MARCHF1: variants seen among roughly 807,000 people sequenced by gnomAD.
MARCHF1 encodes the protein membrane associated ring-CH-type finger 1.
Under a neutral mutation model 54.2 loss-of-function variants are expected in MARCHF1, and 40 were observed. The observed-to-expected ratio is 0.74, with a 90% confidence interval of 0.57 to 0.96. MARCHF1 has a LOEUF of 0.96. Among genes scored for constraint, MARCHF1 ranks in the 40% least tolerant of loss-of-function variants. The pLI is 0.00. For missense variants in MARCHF1, 586 were observed against 656.5 expected, an observed-to-expected ratio of 0.89 and a Z score of 1.17; for synonymous variants, 236 against 236.3, an observed-to-expected ratio of 1.00 and a Z score of 0.01.
chr4:164,255,752 T>C (rs544015566), intron 1 of MARCHF1, among the ~76,000 whole-genome samples: 1 of 152,090 alleles, frequency 6.6e-6, no homozygotes, highest in East Asian at 1.9e-4. Flanking sequence ...TAGCCTAAAA[T>C]ATATAAAGAA....
At chr4:164,279,900 T>G (rs149163205) in intron 1 of MARCHF1, among the ~76,000 whole-genome samples, 1,538 of 151,826 alleles carry the variant, frequency 0.01, 45 homozygotes, top group East Asian at 0.051. Flanking sequence ...TATTATCAAA[T>G]TAAGACCAGC....
intron 4 of MARCHF1, among the ~76,000 whole-genome samples, chr4:163,732,599 A>G (rs1407425983): frequency 2.0e-5 from 3 of 152,182 alleles, no homozygotes; most frequent in Non-Finnish European, 2.9e-5. Flanking sequence ...AATAAAGAGA[A>G]AATGTTTAAA....
intron 1 of MARCHF1, among the ~76,000 whole-genome samples, chr4:164,217,699 T>A (rs541440439): frequency 6.6e-6 from 1 of 152,264 alleles, no homozygotes; most frequent in Non-Finnish European, 1.5e-5. Flanking sequence ...TCTGTTAAAA[T>A]AGAACTCAAG....
In MARCHF1 at chr4:164,106,774, A is replaced by T. The variant is rs572506039; in HGVS notation, c.-248+4814T>A. Among the ~76,000 whole-genome samples the T allele has an allele frequency of 4.9e-4, 73 of 148,650 alleles. No homozygotes were observed. In the South Asian group the frequency reaches 5.5e-3, roughly 11 times the overall value. On this transcript the variant is annotated intron_variant, in intron 2 of 9. Transcript: ENST00000514618. ...TAAAACTTGAAGTATAATAAAAATA[A>T]AAAATAAAAAAAAAAAAGGAATAAG...
intron 3 of MARCHF1, among the ~76,000 whole-genome samples, chr4:163,985,010 C>T (rs937252575): frequency 6.6e-6 from 1 of 152,152 alleles, no homozygotes; most frequent in Admixed American, 6.6e-5. Flanking sequence ...TTTCCTTTAT[C>T]AATTCCATTT....
chr4:164,068,791 T>A (rs1754788234), intron 2 of MARCHF1, among the ~76,000 whole-genome samples: 1 of 152,200 alleles, frequency 6.6e-6, no homozygotes, highest in Non-Finnish European at 1.5e-5. Context: ...TGGTGAGGGA[T>A]CCACTGGGTG....
At chr4:164,033,924 G>T (rs542332302) in intron 2 of MARCHF1, among the ~76,000 whole-genome samples, 53 of 152,170 alleles carry the variant, frequency 3.5e-4, no homozygotes, top group African/African-American at 1.2e-3. Flanking sequence ...TCATTACTGG[G>T]TATATACCCA....
chr4:163,856,449 T>C (rs1418293605), intron 3 of MARCHF1, among the ~76,000 whole-genome samples: 1 of 152,198 alleles, frequency 6.6e-6, no homozygotes, highest in African/African-American at 2.4e-5. Context: ...TTTGAACTTA[T>C]TGGAATGTTT....
intron 2 of MARCHF1, among the ~76,000 whole-genome samples, chr4:164,072,964 G>C (rs1754901252): frequency 6.6e-6 from 1 of 152,180 alleles, no homozygotes; most frequent in Admixed American, 6.5e-5. Flanking sequence ...AATTTCAGAG[G>C]AGAGAGCCTC....
chr4:163,913,332 G>T (rs1751236778), intron 3 of MARCHF1, among the ~76,000 whole-genome samples: 2 of 152,114 alleles, frequency 1.3e-5, no homozygotes, highest in Admixed American at 1.3e-4. Flanking sequence ...TCCAAAGAGG[G>T]ATCTGCTTCT....
intron 3 of MARCHF1, among the ~76,000 whole-genome samples, chr4:163,855,085 A>G (rs1749736667): frequency 6.6e-6 from 1 of 152,194 alleles, no homozygotes; most frequent in South Asian, 2.1e-4. Flanking sequence ...CAGAGATTCA[A>G]AACTGCACAT....
intron 1 of MARCHF1, among the ~76,000 whole-genome samples, chr4:164,366,783 T>C (rs1379333533): frequency 1.3e-5 from 2 of 151,908 alleles, no homozygotes; most frequent in Non-Finnish European, 2.9e-5. Context: ...ATTATAAAAG[T>C]TTTATACATG....
At chr4:163,538,543 A>G (rs1240320173) in intron 9 of MARCHF1, among the ~76,000 whole-genome samples, 1 of 152,076 alleles carries the variant, frequency 6.6e-6, no homozygotes. Context: ...CAAATCCCCA[A>G]ATGATTCAGA....
chr4:164,168,058 T>G (rs1333211605), intron 1 of MARCHF1, among the ~76,000 whole-genome samples: 2 of 151,892 alleles, frequency 1.3e-5, no homozygotes, highest in Non-Finnish European at 2.9e-5. Context: ...ATAAAGTACT[T>G]TTACAACTCG....
At chr4:164,257,325 C>G (rs1306772498) in intron 1 of MARCHF1, among the ~76,000 whole-genome samples, 2 of 151,598 alleles carry the variant, frequency 1.3e-5, no homozygotes, top group African/African-American at 4.8e-5. Flanking sequence ...GATAATTTTT[C>G]TTGTTTCTCT....
intron 4 of MARCHF1, among the ~76,000 whole-genome samples, chr4:163,758,026 A>T (rs2110811790): frequency 6.6e-6 from 1 of 152,340 alleles, no homozygotes; most frequent in South Asian, 2.1e-4. Flanking sequence ...TTAGAGATGG[A>T]AATAAAATAC....
intron 5 of MARCHF1, among the ~76,000 whole-genome samples, chr4:163,617,731 A>C (rs1407606657): frequency 6.6e-6 from 1 of 152,140 alleles, no homozygotes; most frequent in South Asian, 2.1e-4. Context: ...GCACTGAGTA[A>C]AGGTCACCTG....
At chr4:163,878,904 AG>A (rs1205485419) in intron 3 of MARCHF1, among the ~76,000 whole-genome samples, 7 of 152,192 alleles carry the variant, frequency 4.6e-5, no homozygotes, top group African/African-American at 1.7e-4. Flanking sequence ...GTTCAGGACT[AG>A]GCCTGGATAT....
chr4:163,580,247 T>A (rs560653779), intron 8 of MARCHF1, among the ~76,000 whole-genome samples: 5 of 151,780 alleles, frequency 3.3e-5, no homozygotes, highest in African/African-American at 1.2e-4. Flanking sequence ...CCCAGGTAAT[T>A]TTTTGTATTT....
Sources: allele counts gnomAD v4.1 joint callset (sites outside exome capture counted in the v4.1 genomes callset), GRCh38; gene constraint gnomAD v4.1.1; transcripts MANE v1.5; gene names NCBI Gene and HGNC (gene_info 2026-07-23, HGNC 2026-07-21).